Variants in SLIT2 observed in about 807,000 individuals in gnomAD.
SLIT2 encodes the protein slit homolog 2 protein.
A neutral mutation model predicts 185.7 loss-of-function variants in SLIT2; 41 were observed. That is an observed-to-expected ratio of 0.22 (90% CI 0.17 to 0.29). The LOEUF is 0.29. Among genes scored for constraint, SLIT2 ranks in the 10% least tolerant of loss-of-function variants. The pLI, the probability that SLIT2 is intolerant of heterozygous loss-of-function variation, is 1.00. For missense variants in SLIT2, 1,571 were observed against 1,909.0 expected (o/e 0.82, Z 3.30); for synonymous variants, 693 against 680.2 (o/e 1.02, Z -0.29).
At chr4:20,368,235 G>GAAAAAAAAAAAAAAA (rs942235918) in intron 4 of SLIT2, among the ~76,000 whole-genome samples, 1 of 105,476 alleles carries the variant, frequency 9.5e-6, no homozygotes, top group African/African-American at 3.6e-5. Flanking sequence ...AAAAAAAAAA[G>GAAAAAAAAAAAAAAA]AAAAAAAAGA....
intron 30 of SLIT2, among the ~76,000 whole-genome samples, chr4:20,592,346 G>A (rs1727579795): frequency 6.6e-6 from 1 of 151,938 alleles, no homozygotes; most frequent in Admixed American, 6.6e-5. Flanking sequence ...GCCAGCTTTG[G>A]GCTTCTAAAC....
At chr4:20,469,842 A>G (rs653098) in intron 5 of SLIT2, among the ~76,000 whole-genome samples, 125,129 of 147,786 alleles carry the variant, frequency 0.85, 53,236 homozygotes, top group Admixed American at 0.91. Flanking sequence ...TGCAACCTCC[A>G]CCCCCCGGGT....
chr4:20,612,644 G>A (rs1338180190), intron 34 of SLIT2, among the ~76,000 whole-genome samples: 9 of 152,226 alleles, frequency 5.9e-5, no homozygotes, highest in East Asian at 1.9e-4. Context: ...ACAGCTGGGC[G>A]CGGTGGCTCA....
chr4:20,532,530 A>G lies in SLIT2; in HGVS notation c.1688+472A>G, dbSNP rs554289903. On this transcript the variant is annotated intron_variant, in intron 17 of 36. Transcript: ENST00000504154. ...ACATGTCCACAACTCATATTTTAAA[A>G]TAAGTTCATAAGCTCAGCAGTTTCA... Among the ~76,000 whole-genome samples the G allele has an allele frequency of 2.0e-5, 3 of 152,318 alleles. No homozygotes were observed. In the East Asian group the frequency reaches 5.8e-4, roughly 29 times the overall value.
chr4:20,355,886 T>C (rs1380267773), intron 4 of SLIT2, among the ~76,000 whole-genome samples: 1 of 152,134 alleles, frequency 6.6e-6, no homozygotes, highest in Admixed American at 6.6e-5. Context: ...ACTACTACTA[T>C]TATTATTAGG....
Position 20,617,001 on chromosome 4 carries a change from C to A in SLIT2, c.3939C>A (p.Ile1313=). 7 of 1,614,136 alleles carry A rather than the reference C, an allele frequency of 4.3e-6. No homozygotes were observed. Among genetic ancestry groups the A allele is most frequent in the Non-Finnish European group, 5.9e-6 (7 of 1,180,010 alleles). The change falls in exon 35 of 37, where the codon ATC becomes ATA. Residue 1313 remains isoleucine, a synonymous_variant. Coordinates refer to ENST00000504154, the MANE Select transcript of SLIT2 (RefSeq NM_004787.4). ...ACGGCTGCATCCGGAACCTTTACATCAACAGTGAGCTGCAGGACTTCCAGA... is the reference window on the plus strand; with the variant it reads ...ACGGCTGCATCCGGAACCTTTACATAAACAGTGAGCTGCAGGACTTCCAGA... The part of the protein sequence containing the change: ...SFHGCIRNLY[I]NSELQDFQKV...
At position 20,252,917 on chromosome 4, in the gene SLIT2, C is replaced by T. The variant is rs1289813918; in HGVS notation, c.-899C>T. Among the ~76,000 whole-genome samples the T allele has an allele frequency of 6.6e-6, 1 of 152,220 alleles. No individual in the cohort carries two copies. The highest frequency in any genetic ancestry group is 1.9e-4 in the East Asian group (1 of 5,176). ...TCTTCGCAGCAGCTCTCATCCTCCA[C>T]TTGGCCTCTTGGAGTTCCTCGCCGG... On this transcript the variant is annotated 5_prime_UTR_variant, in exon 1 of 37. Transcript: ENST00000504154.
intron 4 of SLIT2, among the ~76,000 whole-genome samples, chr4:20,305,554 A>T (rs967618607): frequency 6.6e-6 from 1 of 152,116 alleles, no homozygotes; most frequent in African/African-American, 2.4e-5. Flanking sequence ...GAGATTAGTT[A>T]TTACTTCCTT....
intron 4 of SLIT2, among the ~76,000 whole-genome samples, chr4:20,354,906 T>TGTGTGA (rs1165332356): frequency 1.3e-5 from 1 of 77,092 alleles, no homozygotes; most frequent in East Asian, 5.0e-4. Flanking sequence ...TGTGTGTGTG[T>TGTGTGA]GAGAGAGAGA....
chr4:20,480,573 A>G lies in SLIT2; in HGVS notation c.468-143A>G, dbSNP rs180965949. On this transcript the variant is annotated intron_variant, in intron 5 of 36. Coordinates refer to ENST00000504154, the MANE Select transcript of SLIT2 (RefSeq NM_004787.4). ...GGCATAGAGGCGAGAATGGCTTATGACATTCGTAAGCAGATGAGTGTGTTT... is the reference window on the plus strand; with the variant it reads ...GGCATAGAGGCGAGAATGGCTTATGGCATTCGTAAGCAGATGAGTGTGTTT... 6.0e-5 allele frequency: 35 copies of G among 579,888 alleles called. No individual in the cohort carries two copies. The African/African-American group carries it at 6.1e-4, about 10-fold the overall frequency. The allele number at this position is 579,888 out of a possible 1,614,324, so 35.9% of individuals were successfully genotyped here. A position where few individuals can be genotyped will look rare whatever the true frequency, so the allele number is the denominator to read the frequency against.
At chr4:20,277,469 G>C (rs1714280778) in intron 4 of SLIT2, among the ~76,000 whole-genome samples, 2 of 151,684 alleles carry the variant, frequency 1.3e-5, no homozygotes, top group South Asian at 2.1e-4. Flanking sequence ...TGTGTAAACA[G>C]TATATAAATA....
Position 20,255,661 on chromosome 4 carries a change from T to C in SLIT2, c.180-1011T>C, listed in dbSNP as rs542951566. 1.5e-3 allele frequency among the ~76,000 whole-genome samples: 214 copies of C among 147,384 alleles called. 4 individuals carry two copies. Among genetic ancestry groups the C allele is most frequent in the Admixed American group, 0.012 (177 of 14,852 alleles). Reference sequence around the variant, plus strand: ...CATGTCTTACTCAACAAAAAGGGAATGCACTTGGGTGGGTGGGGGTGAGGG... The same window carrying C: ...CATGTCTTACTCAACAAAAAGGGAACGCACTTGGGTGGGTGGGGGTGAGGG... On this transcript the variant is annotated intron_variant, in intron 1 of 36. Transcript: ENST00000504154.
At chr4:20,411,153 G>A (rs987902424) in intron 4 of SLIT2, among the ~76,000 whole-genome samples, 3 of 152,088 alleles carry the variant, frequency 2.0e-5, no homozygotes, top group Non-Finnish European at 2.9e-5. Context: ...TGTAGTCCTA[G>A]GTATTTTATT....
chr4:20,454,332 A>C (rs9990844), intron 4 of SLIT2, among the ~76,000 whole-genome samples: 13,967 of 152,248 alleles, frequency 0.092, 697 homozygotes, highest in Non-Finnish European at 0.1. Context: ...CAAATACATG[A>C]AAATAATTCT....
chr4:20,531,847 A>G (rs1721839181), intron 16 of SLIT2, 137 bp from the exon 17 acceptor site: 9 of 543,696 alleles, frequency 1.7e-5, no homozygotes, highest in South Asian at 8.3e-5. Context: ...ATGTTCCACA[A>G]ATCTTCTGTG....
At chr4:20,392,891 T>A (rs1410629678) in intron 4 of SLIT2, among the ~76,000 whole-genome samples, 1 of 152,062 alleles carries the variant, frequency 6.6e-6, no homozygotes, top group East Asian at 1.9e-4. Context: ...AAGAACCTGC[T>A]TGAGGCCATG....
At chr4:20,523,425 G>T (rs1721012863) in intron 12 of SLIT2, among the ~76,000 whole-genome samples, 1 of 152,192 alleles carries the variant, frequency 6.6e-6, no homozygotes, top group Non-Finnish European at 1.5e-5. Context: ...TGATGTCTTA[G>T]AGCATTTTTA....
At chr4:20,380,249 A>G (rs1180384480) in intron 4 of SLIT2, among the ~76,000 whole-genome samples, 2 of 152,160 alleles carry the variant, frequency 1.3e-5, no homozygotes, top group African/African-American at 2.4e-5. Flanking sequence ...CCCTTAACAA[A>G]TCTTATAAGC....
chr4:20,568,835 G>A (rs1725318810), intron 28 of SLIT2, 30 bp from the exon 29 acceptor site: 11 of 1,600,404 alleles, frequency 6.9e-6, no homozygotes, highest in Non-Finnish European at 9.4e-6. Flanking sequence ...ACAAAAAGAT[G>A]TTTTTTGCCT....
Sources: gnomAD v4.1 joint callset for allele counts (sites outside exome capture counted in the v4.1 genomes callset) on GRCh38, gnomAD v4.1.1 for gene constraint, MANE v1.5 for transcripts, NCBI Gene and HGNC (gene_info 2026-07-23, HGNC 2026-07-21) for gene names.